Variants in ABI3BP observed in about 807,000 individuals in gnomAD.
The protein encoded by ABI3BP is target of Nesh-SH3.
A neutral mutation model predicts 268.6 loss-of-function variants in ABI3BP; 216 were observed. The observed-to-expected ratio is 0.80, with a 90% CI of 0.72 to 0.90. The LOEUF is 0.90. Among genes scored for constraint, ABI3BP ranks in the 40% least tolerant of loss-of-function variants. ABI3BP has a pLI of 0.00. For missense variants in ABI3BP, 2,090 were observed against 2,182.4 expected, an observed-to-expected ratio of 0.96 and a Z score of 0.84; for synonymous variants, 730 against 730.0, an observed-to-expected ratio of 1.00 and a Z score of 0.00.
At chr3:100,772,072 A>G (rs2096562168) in intron 61 of ABI3BP, among the ~76,000 whole-genome samples, 1 of 152,230 alleles carries the variant, frequency 6.6e-6, no homozygotes, top group South Asian at 2.1e-4. Context: ...TTCTTACTAG[A>G]AAGAATGCAA....
intron 51 of ABI3BP, among the ~76,000 whole-genome samples, chr3:100,801,425 CAAAAA>C (rs68171311): frequency 4.7e-4 from 41 of 87,532 alleles, no homozygotes; most frequent in Admixed American, 3.9e-3. Flanking sequence ...GATATCCTGT[CAAAAA>C]AAAAAAAAAA....
chr3:100,939,203 A>T (rs917586153), intron 1 of ABI3BP, among the ~76,000 whole-genome samples: 1 of 152,092 alleles, frequency 6.6e-6, no homozygotes, highest in Non-Finnish European at 1.5e-5. Context: ...GAGTGCTTAC[A>T]GAGAATTAGT....
At chr3:100,867,654 A>AAG (rs1322508085) in intron 9 of ABI3BP, among the ~76,000 whole-genome samples, 7 of 151,246 alleles carry the variant, frequency 4.6e-5, no homozygotes, top group Non-Finnish European at 1.0e-4. Flanking sequence ...AAAAAAAAAA[A>AAG]AAAAAAAGAA....
At chr3:100,876,684 T>C (rs1217358752) in intron 6 of ABI3BP, 124 bp from the exon 7 acceptor site, 1 of 804,318 alleles carries the variant, frequency 1.2e-6, no homozygotes, top group South Asian at 1.7e-5. Flanking sequence ...GACACTGGTT[T>C]AATAGTTGCT....
Position 100,899,521 on chromosome 3 carries a change from C to T in ABI3BP, c.329-627G>A, listed in dbSNP as rs138421749. ...AAGAGTAGGGGTAACACAGGAAGCA[C>T]AGTTGTTCTGATGGTGCCAACTGGA... On this transcript the variant is annotated intron_variant, in intron 3 of 67. Transcript: ENST00000471714. Among the ~76,000 whole-genome samples the T allele has an allele frequency of 4.2e-3, 646 of 152,266 alleles. 4 individuals carry two copies. Among genetic ancestry groups the T allele is most frequent in the African/African-American group, 0.014 (598 of 41,550 alleles).
At chr3:100,877,822 G>A (rs1363945583) in intron 6 of ABI3BP, among the ~76,000 whole-genome samples, 3 of 152,178 alleles carry the variant, frequency 2.0e-5, no homozygotes, top group Non-Finnish European at 4.4e-5. Context: ...CCAGATAGGT[G>A]TTTACATGAT....
intron 1 of ABI3BP, among the ~76,000 whole-genome samples, chr3:100,938,943 G>A (rs752444167): frequency 6.6e-6 from 1 of 152,132 alleles, no homozygotes; most frequent in Non-Finnish European, 1.5e-5. Flanking sequence ...GCATGTGTGT[G>A]TGCATGCACA....
Position 100,812,496 on chromosome 3 carries a change from A to C in ABI3BP, c.3392T>G (p.Leu1131Arg). 7.5e-7 allele frequency: 1 copy of C among 1,333,484 alleles called. No individual in the cohort carries two copies. Among genetic ancestry groups the C allele is most frequent in the Non-Finnish European group, 9.6e-7 (1 of 1,042,766 alleles). The allele number at this position is 1,333,484 out of a possible 1,614,324, so 82.6% of individuals were successfully genotyped here. The change falls in exon 46 of 68, where the codon CTT (leucine) becomes CGT (arginine). Residue 1131 changes from leucine (L) to arginine (R), a missense_variant. Physicochemically the swap from Leu to Arg is moderately radical, Grantham distance 102. Coordinates refer to ENST00000471714, the MANE Select transcript of ABI3BP (RefSeq NM_001375547.2). ...PVSDVLESVT[L>R]STESPKETIA... is the part of the protein sequence containing the mutation. Reference sequence around the variant, plus strand: ...GGTCTCCTTTGGTGACTCAGTACTAAGTGTAACCGATTCCAGAACATCAGA... The same window carrying C: ...GGTCTCCTTTGGTGACTCAGTACTACGTGTAACCGATTCCAGAACATCAGA...
chr3:100,851,460 TC>T lies in ABI3BP; in HGVS notation c.1351+414del, dbSNP rs144266651. Among the ~76,000 whole-genome samples the T allele has an allele frequency of 4.3e-3, 647 of 152,222 alleles. 7 individuals carry two copies. Among genetic ancestry groups the T allele is most frequent in the African/African-American group, 0.015 (613 of 41,516 alleles). On this transcript the variant is annotated intron_variant, in intron 15 of 67. Coordinates refer to ENST00000471714, the MANE Select transcript of ABI3BP (RefSeq NM_001375547.2). ...CTACCCACTAGATGCTAGGAGTGCT[TC>T]CCCAAGTTGTGACAACCAAAACTGT...
At chr3:100,865,633 T>C (rs568064638) in intron 10 of ABI3BP, among the ~76,000 whole-genome samples, 8 of 152,258 alleles carry the variant, frequency 5.3e-5, no homozygotes, top group African/African-American at 1.9e-4. Context: ...GAACACAAAA[T>C]AAACACAATA....
intron 51 of ABI3BP, among the ~76,000 whole-genome samples, chr3:100,799,085 C>T (rs2097444245): frequency 1.3e-5 from 2 of 152,130 alleles, no homozygotes; most frequent in Non-Finnish European, 2.9e-5. Flanking sequence ...TACTTCCCCT[C>T]TACCTACAAA....
At chr3:100,975,404 T>G (rs1160724926) in intron 1 of ABI3BP, among the ~76,000 whole-genome samples, 1 of 151,930 alleles carries the variant, frequency 6.6e-6, no homozygotes, top group Admixed American at 6.6e-5. Context: ...CTAGCTGCCT[T>G]GGGGGAGATG....
chr3:100,782,096 G>GTGGCTTGAGCTGCC (rs2096883111), intron 57 of ABI3BP, among the ~76,000 whole-genome samples: 1 of 152,142 alleles, frequency 6.6e-6, no homozygotes, highest in African/African-American at 2.4e-5. Flanking sequence ...TGTCTCTTGG[G>GTGGCTTGAGCTGCC]TGGCTTGAGC....
Position 100,835,614 on chromosome 3 carries a change from T to C in ABI3BP, c.2178A>G (p.Thr726=). 2 of 1,535,230 alleles carry C rather than the reference T, an allele frequency of 1.3e-6. No homozygotes were observed. The highest frequency in any genetic ancestry group is 2.4e-5 in the South Asian group (2 of 84,032). Residue 726 remains threonine, a synonymous_variant, in exon 28 of 68, where the codon ACA becomes ACG. Coordinates refer to ENST00000471714, the MANE Select transcript of ABI3BP (RefSeq NM_001375547.2). Reference sequence around the variant, plus strand: ...AGAGGTCATTACCTAATGTTGTCACTGTAGCCTCAGTTCTCACAGTTACAG... The same window carrying C: ...AGAGGTCATTACCTAATGTTGTCACCGTAGCCTCAGTTCTCACAGTTACAG... ...IEPVTVRTEA[T]VTTLAPKTSQ...
intron 4 of ABI3BP, among the ~76,000 whole-genome samples, chr3:100,895,880 T>C (rs1253983576): frequency 2.6e-5 from 4 of 152,250 alleles, no homozygotes; most frequent in Admixed American, 1.3e-4. Flanking sequence ...GCTTCTAATA[T>C]GTACAGTATT....
intron 14 of ABI3BP, among the ~76,000 whole-genome samples, chr3:100,856,818 A>G (rs1020910133): frequency 1.3e-5 from 2 of 152,142 alleles, no homozygotes; most frequent in African/African-American, 4.8e-5. Context: ...GCACACACCC[A>G]TCTGTGGGAT....
chr3:100,794,249 G>T (rs1385148017), intron 54 of ABI3BP, among the ~76,000 whole-genome samples: 2 of 151,946 alleles, frequency 1.3e-5, no homozygotes, highest in African/African-American at 4.8e-5. Flanking sequence ...CACCCTGTCG[G>T]CTGAGTGTGT....
chr3:100,795,671 G>A (rs2097324482), intron 53 of ABI3BP, 133 bp downstream of exon 53: 1 of 748,388 alleles, frequency 1.3e-6, no homozygotes, highest in Non-Finnish European at 1.8e-6. Context: ...GTTTTGGAAA[G>A]AGTAATAATA....
At position 100,829,670 on chromosome 3, in the gene ABI3BP, G is replaced by C. The variant is rs1560533011; in HGVS notation, c.2459-6C>G. On this transcript the variant is annotated splice_polypyrimidine_tract_variant and splice_region_variant and intron_variant, in intron 32 of 67. Transcript: ENST00000471714. ...TCGTTGAGGCACTTTGGGAGCTAAA[G>C]GAAGAAAACTTCAGGTTAATACAGC... 4 of 1,533,370 alleles carry C rather than the reference G, an allele frequency of 2.6e-6. No homozygotes were observed. In the African/African-American group the frequency reaches 5.5e-5, roughly 21 times the overall value. The allele number at this position is 1,533,370 out of a possible 1,614,324, so 95.0% of individuals were successfully genotyped here. A position where few individuals can be genotyped will look rare whatever the true frequency, so the allele number is the denominator to read the frequency against.
Sources: allele counts gnomAD v4.1 joint callset (sites outside exome capture counted in the v4.1 genomes callset), GRCh38; gene constraint gnomAD v4.1.1; transcripts MANE v1.5; gene names NCBI Gene and HGNC (gene_info 2026-07-23, HGNC 2026-07-21).